PRMT3: variants seen among roughly 807,000 people sequenced by gnomAD.
The protein encoded by PRMT3 is protein arginine N-methyltransferase 3.
PRMT3 carries 62 observed loss-of-function variants against 71.9 expected under a neutral mutation model. The observed-to-expected ratio is 0.86, with a 90% CI of 0.70 to 1.07. The LOEUF (loss-of-function observed/expected upper bound fraction) is 1.07, where lower values mean the gene tolerates loss of function less well. PRMT3 is among the 50% of genes least tolerant of loss of function. The probability of loss-of-function intolerance (pLI) is 0.00; values close to 1 mark genes in which losing one functional copy is unlikely to be tolerated. For missense variants in PRMT3, 663 were observed against 643.0 expected, an observed-to-expected ratio of 1.03 and a Z score of -0.34; for synonymous variants, 213 against 220.4, an observed-to-expected ratio of 0.97 and a Z score of 0.30.
At chr11:20,399,440 T>A (rs1465684046) in intron 7 of PRMT3, among the ~76,000 whole-genome samples, 1 of 152,196 alleles carries the variant, frequency 6.6e-6, no homozygotes, top group Non-Finnish European at 1.5e-5. Flanking sequence ...ATAATAGATA[T>A]GTTATTATAA....
chr11:20,405,213 T>C (rs1849043832), intron 8 of PRMT3, among the ~76,000 whole-genome samples: 1 of 152,192 alleles, frequency 6.6e-6, no homozygotes, highest in South Asian at 2.1e-4. Context: ...TATTTAATCG[T>C]GTTGTCACCC....
At chr11:20,444,010 G>C (rs932004097) in intron 10 of PRMT3, among the ~76,000 whole-genome samples, 1 of 152,052 alleles carries the variant, frequency 6.6e-6, no homozygotes, top group Non-Finnish European at 1.5e-5. Flanking sequence ...ATAAGTAGCC[G>C]TTATTACCAT....
At chr11:20,442,394 A>G (rs1035609053) in intron 10 of PRMT3, among the ~76,000 whole-genome samples, 2 of 152,028 alleles carry the variant, frequency 1.3e-5, no homozygotes, top group African/African-American at 4.8e-5. Flanking sequence ...AGTAATTTTT[A>G]TGTACATTTT....
chr11:20,479,967 T>C (rs975261917), intron 13 of PRMT3, among the ~76,000 whole-genome samples: 1 of 152,076 alleles, frequency 6.6e-6, no homozygotes, highest in Admixed American at 6.6e-5. Context: ...AAATAAAGCA[T>C]TGAAAAAGAG....
intron 8 of PRMT3, chr11:20,406,133 C>T (rs984059353): frequency 1.3e-5 from 2 of 152,212 alleles, no homozygotes; most frequent in African/African-American, 4.8e-5. Context: ...CACAAATGCT[C>T]ATTTACCGGA....
chr11:20,482,814 GGAAAGACAAGTCAAGTCAAAAATT>G (rs1333106440), intron 13 of PRMT3, among the ~76,000 whole-genome samples: 52 of 998 alleles, frequency 0.052, no homozygotes, highest in African/African-American at 0.36. Flanking sequence ...CACTCCTCAT[GGAAAGACAAGTCAAGTCAAAAATT>G]TGGAAAGACA....
At chr11:20,389,257 C>G (rs985678143) in intron 2 of PRMT3, among the ~76,000 whole-genome samples, 2 of 152,286 alleles carry the variant, frequency 1.3e-5, no homozygotes, top group African/African-American at 4.8e-5. Flanking sequence ...GTTGGGAATA[C>G]TACAAGATCA....
intron 9 of PRMT3, among the ~76,000 whole-genome samples, chr11:20,416,327 A>G (rs893422736): frequency 6.6e-6 from 1 of 152,192 alleles, no homozygotes; most frequent in African/African-American, 2.4e-5. Flanking sequence ...ACTATCAGAG[A>G]CTACTATCAA....
At chr11:20,504,707 T>TGTGAGAGAGAGAGAGAGAGAGA (rs1332372470) in intron 15 of PRMT3, among the ~76,000 whole-genome samples, 61 of 133,612 alleles carry the variant, frequency 4.6e-4, no homozygotes, top group African/African-American at 1.7e-3. Context: ...TGTGTGTGTG[T>TGTGAGAGAGAGAGAGAGAGAGA]GAGAGAGAGA....
chr11:20,470,374 G>T (rs983174946), intron 13 of PRMT3, among the ~76,000 whole-genome samples: 1 of 152,048 alleles, frequency 6.6e-6, no homozygotes, highest in African/African-American at 2.4e-5. Flanking sequence ...TCCATTAGCT[G>T]TTCTTCCCTC....
intron 13 of PRMT3, 138 bp downstream of exon 13, chr11:20,464,684 A>G: frequency 2.2e-6 from 3 of 1,365,926 alleles, no homozygotes; most frequent in Admixed American, 3.0e-5. Context: ...TTGCTAGGCC[A>G]TTGAACAGAT....
At chr11:20,440,937 T>G (rs367939867) in intron 10 of PRMT3, among the ~76,000 whole-genome samples, 1 of 152,180 alleles carries the variant, frequency 6.6e-6, no homozygotes, top group South Asian at 2.1e-4. Flanking sequence ...CAATTATTTT[T>G]ATAGATCATG....
chr11:20,496,463 T>C (rs1565239417), intron 15 of PRMT3, among the ~76,000 whole-genome samples: 3 of 151,808 alleles, frequency 2.0e-5, no homozygotes, highest in South Asian at 4.2e-4. Flanking sequence ...AAAAAGAAAA[T>C]TGCAGAATGA....
intron 10 of PRMT3, among the ~76,000 whole-genome samples, chr11:20,430,099 T>G (rs1849624154): frequency 6.6e-6 from 1 of 152,356 alleles, no homozygotes; most frequent in South Asian, 2.1e-4. Context: ...TAGCCACATT[T>G]TCATGAACCA....
At chr11:20,468,590 A>G (rs1387484721) in intron 13 of PRMT3, among the ~76,000 whole-genome samples, 1 of 152,106 alleles carries the variant, frequency 6.6e-6, no homozygotes, top group Non-Finnish European at 1.5e-5. Flanking sequence ...GCTGGTCTCA[A>G]ACTCATGTCC....
At chr11:20,499,276 A>C (rs1851402587) in intron 15 of PRMT3, among the ~76,000 whole-genome samples, 1 of 152,192 alleles carries the variant, frequency 6.6e-6, no homozygotes, top group Admixed American at 6.5e-5. Flanking sequence ...AACTATAGCT[A>C]ATAATTTACT....
intron 9 of PRMT3, among the ~76,000 whole-genome samples, chr11:20,418,370 T>C (rs1206502948): frequency 6.6e-6 from 1 of 152,204 alleles, no homozygotes; most frequent in African/African-American, 2.4e-5. Flanking sequence ...ATTAACAGTC[T>C]CATGAAAGAG....
intron 10 of PRMT3, among the ~76,000 whole-genome samples, chr11:20,441,793 T>TG (rs1170757296): frequency 4.3e-4 from 65 of 150,482 alleles, no homozygotes; most frequent in African/African-American, 1.3e-3. Flanking sequence ...TTCAGGTTTT[T>TG]TTTTTTTTTT....
At chr11:20,483,733 G>A (rs1851002535) in intron 13 of PRMT3, among the ~76,000 whole-genome samples, 1 of 152,172 alleles carries the variant, frequency 6.6e-6, no homozygotes, top group African/African-American at 2.4e-5. Context: ...TTGTAATGTA[G>A]TGCTCTATAA....
Sources: gnomAD v4.1 joint callset for allele counts (sites outside exome capture counted in the v4.1 genomes callset) on GRCh38, gnomAD v4.1.1 for gene constraint, MANE v1.5 for transcripts, NCBI Gene and HGNC (gene_info 2026-07-23, HGNC 2026-07-21) for gene names.